Variants in TLN2 observed in about 807,000 individuals in gnomAD.
The protein encoded by TLN2 is talin 2.
Under a neutral mutation model 294.7 loss-of-function variants are expected in TLN2, and 118 were observed. That is an observed-to-expected ratio of 0.40 (90% CI 0.34 to 0.47). The LOEUF (loss-of-function observed/expected upper bound fraction) is 0.47. TLN2 is among the 20% of genes least tolerant of loss of function. TLN2 has a pLI of 0.84. For synonymous variants in TLN2, 1,431 were observed against 1,304.5 expected (o/e 1.10, Z -2.09); for missense variants, 3,083 against 3,282.2 (o/e 0.94, Z 1.48).
intron 35 of TLN2, 30 bp from the exon 36 acceptor site, chr15:62,753,743 T>A (rs1278483265): frequency 1.2e-5 from 19 of 1,582,384 alleles, no homozygotes; most frequent in Non-Finnish European, 1.5e-5. Flanking sequence ...GCACGGAGCC[T>A]GAGCTGTGGT....
intron 1 of TLN2, chr15:62,561,538 C>T (rs1173537909): frequency 6.6e-6 from 1 of 152,282 alleles, no homozygotes; most frequent in Non-Finnish European, 1.5e-5. Flanking sequence ...ACTTCTCCGC[C>T]CTTCTCTTGC....
chr15:62,422,486 A>G (rs1330191330), intron 1 of TLN2, among the ~76,000 whole-genome samples: 2 of 152,236 alleles, frequency 1.3e-5, no homozygotes, highest in Non-Finnish European at 2.9e-5. Flanking sequence ...TATAGTTTTT[A>G]CTGTATTACA....
intron 1 of TLN2, among the ~76,000 whole-genome samples, chr15:62,437,881 A>T (rs982558970): frequency 6.6e-6 from 1 of 152,164 alleles, no homozygotes; most frequent in Non-Finnish European, 1.5e-5. Flanking sequence ...ATTGATTAAC[A>T]TAGTCATGAA....
At chr15:62,720,026 A>G (rs2060029492) in intron 25 of TLN2, 146 bp downstream of exon 25, 1 of 539,508 alleles carries the variant, frequency 1.9e-6, no homozygotes, top group East Asian at 3.3e-5. Context: ...TTACCTTTCC[A>G]GTTTCAGGAG....
intron 40 of TLN2, among the ~76,000 whole-genome samples, chr15:62,766,111 G>A (rs1595918547): frequency 6.6e-6 from 1 of 152,186 alleles, no homozygotes; most frequent in East Asian, 1.9e-4. Flanking sequence ...AGTTGCAAAA[G>A]CATCTCTCAT....
At chr15:62,490,977 GGTT>G (rs1379077138) in intron 1 of TLN2, among the ~76,000 whole-genome samples, 4 of 152,152 alleles carry the variant, frequency 2.6e-5, no homozygotes, top group African/African-American at 4.8e-5. Context: ...GGCCCTGGGT[GGTT>G]GGAGCACAGC....
intron 1 of TLN2, among the ~76,000 whole-genome samples, chr15:62,392,279 T>A (rs1001882650): frequency 6.6e-6 from 1 of 152,254 alleles, no homozygotes; most frequent in South Asian, 2.1e-4. Flanking sequence ...TGAAAACTTC[T>A]GGTTCTTTCC....
At chr15:62,746,141 A>C (rs1453076583) in intron 32 of TLN2, among the ~76,000 whole-genome samples, 1 of 145,736 alleles carries the variant, frequency 6.9e-6, no homozygotes, top group East Asian at 2.0e-4. Context: ...AGAAACTTTT[A>C]TATAGCAACA....
intron 3 of TLN2, among the ~76,000 whole-genome samples, chr15:62,629,741 C>T (rs1158081543): frequency 1.3e-5 from 2 of 152,116 alleles, no homozygotes; most frequent in Non-Finnish European, 2.9e-5. Context: ...ATATTTTCTG[C>T]TCATCTTTCA....
At chr15:62,605,465 C>T (rs72755812) in intron 2 of TLN2, among the ~76,000 whole-genome samples, 29 of 152,268 alleles carry the variant, frequency 1.9e-4, no homozygotes, top group Non-Finnish European at 2.6e-4. Flanking sequence ...CATGGGCAAG[C>T]GAATCAGGAA....
intron 1 of TLN2, among the ~76,000 whole-genome samples, chr15:62,563,253 ATCTATT>A (rs2043128697): frequency 2.0e-5 from 3 of 152,170 alleles, no homozygotes; most frequent in Admixed American, 6.5e-5. Flanking sequence ...CCACACCGAC[ATCTATT>A]ATGTTTTTTA....
In TLN2 at chr15:62,752,457, G is replaced by A. The variant is rs201735020; in HGVS notation, c.4332+30G>A. On this transcript the variant is annotated intron_variant, in intron 35 of 58. Transcript: ENST00000636159. ...GGGGCTAGTCCCGATGCAGCCATGTGCCCTGTGCCAGATCCCTGTGGGAGG... is the reference window on the plus strand; with the variant it reads ...GGGGCTAGTCCCGATGCAGCCATGTACCCTGTGCCAGATCCCTGTGGGAGG... The A allele has an allele frequency of 1.5e-5, 24 of 1,611,428 alleles. No individual in the cohort carries two copies. The East Asian group carries it at 5.1e-4, about 35-fold the overall frequency.
intron 1 of TLN2, among the ~76,000 whole-genome samples, chr15:62,535,884 A>G (rs2041322741): frequency 6.6e-6 from 1 of 152,194 alleles, no homozygotes; most frequent in Non-Finnish European, 1.5e-5. Flanking sequence ...AAATTTTCAT[A>G]CAATAACTCT....
At chr15:62,701,571 G>C (rs1250771557) in intron 17 of TLN2, among the ~76,000 whole-genome samples, 1 of 152,152 alleles carries the variant, frequency 6.6e-6, no homozygotes, top group East Asian at 1.9e-4. Context: ...TGTCATATGT[G>C]CCTTTGCCCA....
In TLN2 at chr15:62,582,239, CACACA is replaced by C. The variant is rs1210074383; in HGVS notation, c.-237-7447_-237-7443del. ...ACACACACACACACACACACACACA[CACACA>C]CACATTCATGCCTGACCCATTCCTG... On this transcript the variant is annotated intron_variant, in intron 1 of 58. Coordinates refer to ENST00000636159, the MANE Select transcript of TLN2 (RefSeq NM_015059.3). Among the ~76,000 whole-genome samples, 134 of 147,524 alleles carry C rather than the reference CACACA, an allele frequency of 9.1e-4. 4 individuals are homozygous for C. The highest frequency in any genetic ancestry group is 4.5e-3 in the South Asian group (20 of 4,442).
At chr15:62,556,818 G>T (rs2042630406) in intron 1 of TLN2, among the ~76,000 whole-genome samples, 1 of 152,084 alleles carries the variant, frequency 6.6e-6, no homozygotes, top group Admixed American at 6.6e-5. Context: ...TTTTAATGGG[G>T]CACTATGTAT....
At chr15:62,433,580 AGACT>A (rs2035131991) in intron 1 of TLN2, among the ~76,000 whole-genome samples, 1 of 152,144 alleles carries the variant, frequency 6.6e-6, no homozygotes, top group African/African-American at 2.4e-5. Flanking sequence ...GTCTGCTCAC[AGACT>A]GAGTTGTGTT....
chr15:62,800,614 T>C lies in TLN2; in HGVS notation c.6361-39T>C, dbSNP rs780185932. ...AAAAGGAGTAGGGGCTGGACCTGAG[T>C]CACTGCACTATCTGTATTCATTCTC... On this transcript the variant is annotated intron_variant, in intron 49 of 58. Coordinates refer to ENST00000636159, the MANE Select transcript of TLN2 (RefSeq NM_015059.3). The C allele has an allele frequency of 9.3e-6, 15 of 1,612,140 alleles. No individual in the cohort carries two copies. The South Asian group carries it at 1.7e-4, about 18-fold the overall frequency.
chr15:62,631,422 T>TTTTCTTCC (rs767047221), intron 3 of TLN2, among the ~76,000 whole-genome samples: 3 of 151,882 alleles, frequency 2.0e-5, no homozygotes, highest in African/African-American at 7.3e-5. Context: ...GGTTTGATAG[T>TTTTCTTCC]TTTCTTCCTT....
Sources: allele counts gnomAD v4.1 joint callset (sites outside exome capture counted in the v4.1 genomes callset), GRCh38; gene constraint gnomAD v4.1.1; transcripts MANE v1.5; gene names NCBI Gene and HGNC (gene_info 2026-07-23, HGNC 2026-07-21).